CELF2: variants seen among roughly 807,000 people sequenced by gnomAD.
CELF2 encodes the protein CUGBP Elav-like family member 2, also known as CUG triplet repeat RNA-binding protein 2.
CELF2 carries 8 observed loss-of-function variants against 62.6 expected under a neutral mutation model. That is an observed-to-expected ratio of 0.13 (90% confidence interval 0.07 to 0.23). The LOEUF (loss-of-function observed/expected upper bound fraction) is 0.23, where lower values mean the gene tolerates loss of function less well. Ranked by LOEUF, CELF2 falls within the 10% of genes least tolerant of loss-of-function variation. CELF2 has a pLI of 1.00. For synonymous variants in CELF2, 258 were observed against 250.0 expected, an observed-to-expected ratio of 1.03 and a Z score of -0.30; for missense variants, 333 against 671.0, an observed-to-expected ratio of 0.50 and a Z score of 5.56.
rs2071952121 is a variant in CELF2 at position 11,237,581 on chromosome 10, G to A, written c.355-11572G>A. ...CCAGGTCGTCAAGGGGAGCCCAGGT[G>A]CAAGGGCTGCTTCAGCCCCACTAGC... On this transcript the variant is annotated intron_variant, in intron 3 of 12. Coordinates refer to ENST00000633077, the MANE Select transcript of CELF2 (RefSeq NM_001326342.2). This position sits in a 1 kb window ranked among gnomAD's most constrained non-coding sequence, Gnocchi z 4.0. 2.0e-5 allele frequency among the ~76,000 whole-genome samples: 3 copies of A among 152,220 alleles called. No homozygotes were observed. The highest frequency in any genetic ancestry group is 4.1e-4 in the South Asian group (2 of 4,834).
intron 8 of CELF2, among the ~76,000 whole-genome samples, chr10:11,276,705 T>C (rs949192704): frequency 3.9e-5 from 6 of 152,110 alleles, no homozygotes; most frequent in Non-Finnish European, 5.9e-5. Context: ...ACCCCCACAG[T>C]TGGATTATGC....
At chr10:11,235,068 G>A (rs1378515053) in intron 3 of CELF2, among the ~76,000 whole-genome samples, 2 of 152,262 alleles carry the variant, frequency 1.3e-5, no homozygotes, top group Non-Finnish European at 2.9e-5. Context: ...GGAATTGGCA[G>A]AGTCAGCATT....
chr10:11,179,781 G>T (rs561658707), intron 2 of CELF2, among the ~76,000 whole-genome samples: 1 of 152,274 alleles, frequency 6.6e-6, no homozygotes, highest in Non-Finnish European at 1.5e-5. Flanking sequence ...TCCTATAAAG[G>T]TTAAGAACAA....
the CELF2 span, among the ~76,000 whole-genome samples, chr10:10,713,007 C>T: frequency 3.3e-5 from 5 of 152,194 alleles, no homozygotes; most frequent in African/African-American, 9.6e-5. Context: ...CTGGCCCTTA[C>T]CTCCACCATC....
chr10:10,874,995 T>C (rs1481848655), intron 1 of CELF2, among the ~76,000 whole-genome samples: 2 of 152,232 alleles, frequency 1.3e-5, no homozygotes, highest in African/African-American at 2.4e-5. Context: ...GATTTCCTTA[T>C]CCAAATTATC....
chr10:10,551,492 AC>A, the CELF2 span, among the ~76,000 whole-genome samples: 2 of 151,336 alleles, frequency 1.3e-5, no homozygotes, highest in Non-Finnish European at 2.9e-5. Flanking sequence ...GCAGAGCTGG[AC>A]CCCCTCCCCC....
At chr10:10,645,671 A>G in the CELF2 span, among the ~76,000 whole-genome samples, 1 of 152,126 alleles carries the variant, frequency 6.6e-6, no homozygotes, top group African/African-American at 2.4e-5. Flanking sequence ...TAAAAAATAA[A>G]TTTGCTTGAT....
the CELF2 span, among the ~76,000 whole-genome samples, chr10:10,566,220 C>A: frequency 6.6e-6 from 1 of 151,750 alleles, no homozygotes; most frequent in Admixed American, 6.6e-5. Flanking sequence ...AAATGTGAAC[C>A]ATAATCTCTC....
chr10:11,305,690 A>T lies in CELF2; in HGVS notation c.977-8449A>T, dbSNP rs2140300284. Among the ~76,000 whole-genome samples the T allele has an allele frequency of 6.6e-6, 1 of 152,314 alleles. No individual in the cohort carries two copies. The highest frequency in any genetic ancestry group is 2.1e-4 in the South Asian group (1 of 4,824). The stretch of plus-strand genomic sequence containing the variant: ...ACCTACAGTGTTAACCTAAGACAAG[A>T]ATCTCTTCTGGGTGTAGTGTTCATC... On this transcript the variant is annotated intron_variant, in intron 9 of 12. Coordinates refer to ENST00000633077, the MANE Select transcript of CELF2 (RefSeq NM_001326342.2). This position sits in a 1 kb window ranked among gnomAD's most constrained non-coding sequence, Gnocchi z 4.8.
chr10:10,808,654 A>G (rs1474181077), intron 1 of CELF2, among the ~76,000 whole-genome samples: 1 of 152,232 alleles, frequency 6.6e-6, no homozygotes, highest in Non-Finnish European at 1.5e-5. Flanking sequence ...AGGTAAGATC[A>G]TTGTTTTAAA....
intron 1 of CELF2, among the ~76,000 whole-genome samples, chr10:11,038,834 A>G (rs1228696348): frequency 1.3e-5 from 2 of 152,234 alleles, no homozygotes; most frequent in African/African-American, 4.8e-5. Flanking sequence ...TGTGATAATT[A>G]TTTTAAGTTA....
chr10:10,668,356 C>A, the CELF2 span, among the ~76,000 whole-genome samples: 1 of 152,152 alleles, frequency 6.6e-6, no homozygotes, highest in East Asian at 1.9e-4. Flanking sequence ...GCAGGCTGAG[C>A]AAGTTGTTCT....
chr10:11,088,425 G>A (rs891421826), intron 1 of CELF2, among the ~76,000 whole-genome samples: 1 of 152,186 alleles, frequency 6.6e-6, no homozygotes, highest in Non-Finnish European at 1.5e-5. Context: ...GCTGGGCTAG[G>A]GGGTTGGACA....
upstream of CELF2, among the ~76,000 whole-genome samples, chr10:11,004,190 A>C (rs1262533723): frequency 6.6e-6 from 1 of 152,162 alleles, no homozygotes; most frequent in Non-Finnish European, 1.5e-5. This position sits in a 1 kb window ranked among gnomAD's most constrained non-coding sequence, Gnocchi z 5.0. Flanking sequence ...TATTATCCCC[A>C]GTAATGCTTT....
chr10:11,196,557 C>A (rs751007145), intron 2 of CELF2, among the ~76,000 whole-genome samples: 1 of 152,082 alleles, frequency 6.6e-6, no homozygotes, highest in South Asian at 2.1e-4. Context: ...GTCCCAGCTA[C>A]TCAGGAGGCT....
rs1053076270 is a variant in CELF2, at chr10:11,336,376, T to C, written c.*7323T>C. Reference sequence around the variant, plus strand: ...AATCACTGGGAATATTATCTTCATGTGACCATGAAACGTTTCTATTGAGTG... The same window carrying C: ...AATCACTGGGAATATTATCTTCATGCGACCATGAAACGTTTCTATTGAGTG... On this transcript the variant is annotated 3_prime_UTR_variant, in exon 13 of 13. Coordinates refer to ENST00000633077, the MANE Select transcript of CELF2 (RefSeq NM_001326342.2). The surrounding 1 kb of genome is among the most constrained non-coding windows in gnomAD (Gnocchi z 5.4). The C allele has an allele frequency of 6.6e-6, 1 of 152,668 alleles. No individual in the cohort carries two copies. Among genetic ancestry groups the C allele is most frequent in the African/African-American group, 2.4e-5 (1 of 41,462 alleles). 9.5% of individuals were successfully genotyped at this position (152,668 alleles called of 1,614,324 possible).
chr10:10,850,065 C>T (rs1295411171), intron 1 of CELF2, among the ~76,000 whole-genome samples: 1 of 152,066 alleles, frequency 6.6e-6, no homozygotes, highest in Non-Finnish European at 1.5e-5. Context: ...AGGAATATCG[C>T]TTGAACCTGG....
At chr10:10,685,121 T>C in the CELF2 span, among the ~76,000 whole-genome samples, 1 of 152,132 alleles carries the variant, frequency 6.6e-6, no homozygotes, top group Non-Finnish European at 1.5e-5. Context: ...ACCCTATGCT[T>C]ATTCTGTGCA....
the CELF2 span, among the ~76,000 whole-genome samples, chr10:10,781,882 C>T: frequency 2.6e-5 from 4 of 151,858 alleles, no homozygotes; most frequent in African/African-American, 9.7e-5. Flanking sequence ...TTCAACCAAC[C>T]GTGAATCAAA....
Sources: gnomAD v4.1 joint callset for allele counts (sites outside exome capture counted in the v4.1 genomes callset) on GRCh38, gnomAD v4.1.1 for gene constraint, Gnocchi (gnomAD v3.1) non-coding constraint, MANE v1.5 for transcripts, NCBI Gene and HGNC (gene_info 2026-07-23, HGNC 2026-07-21) for gene names.